Variants in COP1 observed in about 807,000 individuals in gnomAD.
The protein encoded by COP1 is COP1 E3 ubiquitin ligase.
COP1 carries 24 observed loss-of-function variants against 101.3 expected under a neutral mutation model. That is an observed-to-expected ratio of 0.24 (90% CI 0.17 to 0.33). COP1 has a LOEUF of 0.33. COP1 is among the 10% of genes least tolerant of loss of function. The pLI, the probability that COP1 is intolerant of heterozygous loss-of-function variation, is 1.00. For missense variants in COP1, 663 were observed against 906.2 expected, an observed-to-expected ratio of 0.73 and a Z score of 3.45; for synonymous variants, 347 against 341.9, an observed-to-expected ratio of 1.01 and a Z score of -0.17.
chr1:176,024,672 GAT>G (rs1290440474), intron 15 of COP1, among the ~76,000 whole-genome samples: 1 of 152,136 alleles, frequency 6.6e-6, no homozygotes, highest in Non-Finnish European at 1.5e-5. Context: ...TTCAACTGCA[GAT>G]ATGATTCTAC....
chr1:176,007,227 T>C (rs1220752300), intron 15 of COP1, among the ~76,000 whole-genome samples: 1 of 152,178 alleles, frequency 6.6e-6, no homozygotes, highest in East Asian at 1.9e-4. Flanking sequence ...ATATTGGTTA[T>C]TCTAGTTATA....
intron 15 of COP1, among the ~76,000 whole-genome samples, chr1:176,014,652 TAAG>T (rs1665299014): frequency 6.6e-6 from 1 of 152,194 alleles, no homozygotes. Flanking sequence ...TCTCTGAATT[TAAG>T]AAGCTTACAA....
At chr1:176,090,985 T>C (rs916961677) in intron 9 of COP1, among the ~76,000 whole-genome samples, 5 of 152,166 alleles carry the variant, frequency 3.3e-5, no homozygotes, top group Non-Finnish European at 5.9e-5. Flanking sequence ...AGCAAAAATA[T>C]CTTAAAACCA....
At chr1:176,050,355 C>T (rs1003367744) in intron 11 of COP1, among the ~76,000 whole-genome samples, 4 of 152,098 alleles carry the variant, frequency 2.6e-5, no homozygotes, top group South Asian at 2.1e-4. Flanking sequence ...CAATGAAAGC[C>T]GTCAATAAGC....
chr1:176,007,131 C>G (rs923181757), intron 15 of COP1, among the ~76,000 whole-genome samples: 1 of 152,164 alleles, frequency 6.6e-6, no homozygotes, highest in African/African-American at 2.4e-5. Context: ...TCCAGTTGAT[C>G]GCATCGGCTC....
intron 6 of COP1, among the ~76,000 whole-genome samples, chr1:176,146,842 C>T (rs1424011403): frequency 1.3e-5 from 2 of 152,124 alleles, no homozygotes; most frequent in African/African-American, 4.8e-5. Context: ...TTGCACTTTC[C>T]ATTCTCTTAA....
At chr1:176,001,140 C>A (rs891609264) in intron 15 of COP1, among the ~76,000 whole-genome samples, 1 of 152,072 alleles carries the variant, frequency 6.6e-6, no homozygotes. Flanking sequence ...CATGAACACT[C>A]TCTTCAAGGC....
At chr1:176,108,580 G>A (rs1572280013) in intron 9 of COP1, among the ~76,000 whole-genome samples, 1 of 151,910 alleles carries the variant, frequency 6.6e-6, no homozygotes, top group East Asian at 1.9e-4. Flanking sequence ...TCCCCAATAT[G>A]CACATGGTTG....
chr1:176,127,588 T>TGTGTGTGC (rs1211772560), intron 8 of COP1, among the ~76,000 whole-genome samples: 12 of 117,540 alleles, frequency 1.0e-4, no homozygotes, highest in African/African-American at 3.0e-4. Context: ...TGTGTGTGTG[T>TGTGTGTGC]GTATGTGTAT....
At chr1:176,052,089 G>C (rs1672668624) in intron 11 of COP1, among the ~76,000 whole-genome samples, 1 of 152,098 alleles carries the variant, frequency 6.6e-6, no homozygotes, top group South Asian at 2.1e-4. Context: ...CTCACTCACT[G>C]ACTCACCCAG....
intron 14 of COP1, among the ~76,000 whole-genome samples, chr1:176,032,784 C>A (rs1298012384): frequency 6.6e-6 from 1 of 151,836 alleles, no homozygotes; most frequent in African/African-American, 2.4e-5. Flanking sequence ...AAGCCTGGAA[C>A]AAGGTAGGTG....
At chr1:176,116,914 T>C (rs1163452694) in intron 8 of COP1, among the ~76,000 whole-genome samples, 1 of 152,164 alleles carries the variant, frequency 6.6e-6, no homozygotes, top group Non-Finnish European at 1.5e-5. Flanking sequence ...AGAAATAATG[T>C]CAATAGGGGA....
At chr1:176,032,761 G>T (rs935607890) in intron 14 of COP1, among the ~76,000 whole-genome samples, 1 of 151,902 alleles carries the variant, frequency 6.6e-6, no homozygotes, top group Non-Finnish European at 1.5e-5. Context: ...GACATCTACT[G>T]GTCACATAAA....
At position 176,087,174 on chromosome 1, in the gene COP1, G is replaced by A. The variant is rs541228555; in HGVS notation, c.1027-1284C>T. On this transcript the variant is annotated intron_variant, in intron 9 of 19. Transcript: ENST00000367669. Reference sequence around the variant, plus strand: ...AAAAACCTAGAAGAAAACCTAGGCAGTACCATTCAGGACATAGGCATGGGC... The same window carrying A: ...AAAAACCTAGAAGAAAACCTAGGCAATACCATTCAGGACATAGGCATGGGC... Among the ~76,000 whole-genome samples, 399 of 152,222 alleles carry A rather than the reference G, an allele frequency of 2.6e-3. 3 individuals carry two copies. Among genetic ancestry groups the A allele is most frequent in the African/African-American group, 9.2e-3 (381 of 41,534 alleles).
intron 11 of COP1, among the ~76,000 whole-genome samples, chr1:176,046,945 G>T (rs1037812748): frequency 6.6e-6 from 1 of 151,810 alleles, no homozygotes; most frequent in Admixed American, 6.6e-5. Context: ...CACAAAAGAG[G>T]TTAAATAAAT....
intron 18 of COP1, among the ~76,000 whole-genome samples, chr1:175,968,777 C>T (rs1012270602): frequency 6.6e-6 from 1 of 152,232 alleles, no homozygotes; most frequent in Non-Finnish European, 1.5e-5. Context: ...ATACATTCAT[C>T]ATTCCTTTCT....
chr1:175,986,818 A>G (rs1339525211), intron 18 of COP1, 125 bp downstream of exon 18: 10 of 663,906 alleles, frequency 1.5e-5, no homozygotes, highest in Non-Finnish European at 2.2e-5. Context: ...TTGGTGACAC[A>G]TTACAAAGTT....
intron 11 of COP1, among the ~76,000 whole-genome samples, chr1:176,048,031 C>CCACTGCA (rs1671809874): frequency 6.6e-6 from 1 of 151,626 alleles, no homozygotes; most frequent in African/African-American, 2.4e-5. Flanking sequence ...CATGACTGTG[C>CCACTGCA]CACTGCACTC....
At chr1:176,152,727 A>G (rs1412174348) in intron 5 of COP1, among the ~76,000 whole-genome samples, 1 of 152,172 alleles carries the variant, frequency 6.6e-6, no homozygotes, top group African/African-American at 2.4e-5. Context: ...GGCGTGAGCC[A>G]CTGTGCCCAG....
Sources: gnomAD v4.1 joint callset for allele counts (sites outside exome capture counted in the v4.1 genomes callset) on GRCh38, gnomAD v4.1.1 for gene constraint, MANE v1.5 for transcripts, NCBI Gene and HGNC (gene_info 2026-07-23, HGNC 2026-07-21) for gene names.